PLCL1: variants seen among roughly 807,000 people sequenced by gnomAD.
PLCL1 encodes phospholipase C like 1 (inactive), also known as inactive phospholipase C-like protein 1.
Under a neutral mutation model 84.4 loss-of-function variants are expected in PLCL1, and 41 were observed. The observed-to-expected ratio is 0.49, with a 90% CI of 0.38 to 0.63. PLCL1 has a LOEUF of 0.63. Ranked by LOEUF, PLCL1 falls within the 30% of genes least tolerant of loss-of-function variation. The pLI, the probability that PLCL1 is intolerant of heterozygous loss-of-function variation, is 0.00. For missense variants in PLCL1, 1,206 were observed against 1,367.8 expected, an observed-to-expected ratio of 0.88 and a Z score of 1.87; for synonymous variants, 490 against 488.3, an observed-to-expected ratio of 1.00 and a Z score of -0.05.
At chr2:197,854,388 G>A (rs1687294302) in intron 1 of PLCL1, among the ~76,000 whole-genome samples, 1 of 152,060 alleles carries the variant, frequency 6.6e-6, no homozygotes, top group Admixed American at 6.6e-5. Flanking sequence ...TCATCTCTAG[G>A]AGATTTCCTA....
chr2:197,946,574 AT>A (rs1322097629), intron 1 of PLCL1, among the ~76,000 whole-genome samples: 4 of 152,168 alleles, frequency 2.6e-5, no homozygotes, highest in Non-Finnish European at 5.9e-5. Context: ...ATATGAACAG[AT>A]AACTAACATT....
chr2:197,900,761 T>C (rs1016559294), intron 1 of PLCL1, among the ~76,000 whole-genome samples: 2 of 152,208 alleles, frequency 1.3e-5, no homozygotes, highest in African/African-American at 4.8e-5. Context: ...ATAAATAATG[T>C]TTTTTCAAAA....
intron 1 of PLCL1, among the ~76,000 whole-genome samples, chr2:197,939,202 T>G (rs1354679183): frequency 6.6e-6 from 1 of 152,136 alleles, no homozygotes; most frequent in Non-Finnish European, 1.5e-5. Flanking sequence ...TCGGTAAGTA[T>G]AAGCAACTGC....
chr2:197,946,133 A>T (rs1208183740), intron 1 of PLCL1, among the ~76,000 whole-genome samples: 1 of 152,198 alleles, frequency 6.6e-6, no homozygotes, highest in African/African-American at 2.4e-5. Flanking sequence ...TTAAACCTTT[A>T]ACAAAAAAAG....
In PLCL1 at chr2:198,088,866, C is replaced by A; in HGVS notation, c.2724C>A (p.Ile908=). The change falls in exon 3 of 6, where the codon ATC becomes ATA. Residue 908 remains isoleucine (I), a synonymous_variant. Transcript: ENST00000428675. ...IDMRENMQNA[I]VSIKELCGLP... is the part of the protein sequence containing the mutation. ...TGTTTTCTTCCTCACAGAATGCAAT[C>A]GTGTCTATTAAGGAACTATGTGGAC... 1.2e-6 allele frequency: 2 copies of A among 1,600,816 alleles called. No homozygotes were observed. The highest frequency in any genetic ancestry group is 2.2e-5 in the East Asian group (1 of 44,830).
chr2:198,085,184 CAGATGA>C lies in PLCL1; in HGVS notation c.1677_1682del (p.Asp559_Glu560del), dbSNP rs758472390. ...CCAGATGTGTTAGAAGGAGAAGTAACAGATGAAGATGAAGAAGCTGAAATGTCTCGA... is the reference window on the plus strand; with the variant it reads ...CCAGATGTGTTAGAAGGAGAAGTAACAGATGAAGAAGCTGAAATGTCTCGA... On this transcript the variant is annotated inframe_deletion, in exon 2 of 6. Transcript: ENST00000428675. The surrounding 1 kb of genome is among the most constrained non-coding windows in gnomAD (Gnocchi z 5.3). 5.6e-6 allele frequency: 9 copies of C among 1,613,586 alleles called. 1 individual carries two copies. Among genetic ancestry groups the C allele is most frequent in the African/African-American group, 5.3e-5 (4 of 74,858 alleles).
intron 4 of PLCL1, 130 bp from the exon 5 acceptor site, chr2:198,103,697 C>A: frequency 1.8e-6 from 1 of 546,360 alleles, no homozygotes; most frequent in Non-Finnish European, 3.3e-6. Flanking sequence ...AAGGATAATT[C>A]AATTTAGGGA....
intron 1 of PLCL1, among the ~76,000 whole-genome samples, chr2:197,884,514 A>G (rs1486293986): frequency 6.6e-6 from 1 of 152,208 alleles, no homozygotes; most frequent in African/African-American, 2.4e-5. Context: ...TTGGTTACTA[A>G]GGAAGAAGTG....
At chr2:197,832,957 C>T (rs13394877) in intron 1 of PLCL1, among the ~76,000 whole-genome samples, 1,680 of 152,232 alleles carry the variant, frequency 0.011, 25 homozygotes, top group African/African-American at 0.037. Context: ...TGGCCAGGTG[C>T]GGTGGCTCAC....
At chr2:198,038,114 A>C (rs774485070) in intron 1 of PLCL1, among the ~76,000 whole-genome samples, 1 of 152,202 alleles carries the variant, frequency 6.6e-6, no homozygotes, top group Non-Finnish European at 1.5e-5. Context: ...TTTTTGATTA[A>C]GTGACTAAGC....
At chr2:198,041,853 G>A (rs1691673982) in intron 1 of PLCL1, among the ~76,000 whole-genome samples, 1 of 152,154 alleles carries the variant, frequency 6.6e-6, no homozygotes, top group Non-Finnish European at 1.5e-5. Context: ...ATGGAGTTGA[G>A]CATGGCATGT....
chr2:197,906,106 A>G (rs536642022), intron 1 of PLCL1, among the ~76,000 whole-genome samples: 5 of 152,190 alleles, frequency 3.3e-5, no homozygotes, highest in East Asian at 3.9e-4. Context: ...TTTTGTTGCA[A>G]TTGCTTTGGT....
At chr2:197,967,715 A>G (rs1359574073) in intron 1 of PLCL1, among the ~76,000 whole-genome samples, 1 of 152,236 alleles carries the variant, frequency 6.6e-6, no homozygotes, top group Non-Finnish European at 1.5e-5. Context: ...AGAGGAAAAA[A>G]TTACATATTC....
chr2:198,095,077 A>G (rs1693161543), intron 3 of PLCL1, among the ~76,000 whole-genome samples: 1 of 152,202 alleles, frequency 6.6e-6, no homozygotes, highest in Non-Finnish European at 1.5e-5. Flanking sequence ...CACAAAGAGA[A>G]GAGCTGTTGG....
chr2:198,132,768 T>C (rs1300789824), intron 5 of PLCL1, among the ~76,000 whole-genome samples: 1 of 152,030 alleles, frequency 6.6e-6, no homozygotes, highest in East Asian at 1.9e-4. Flanking sequence ...TTTTCTCCCA[T>C]GTTGTAGGTT....
chr2:197,899,856 C>G (rs897936622), intron 1 of PLCL1, among the ~76,000 whole-genome samples: 1 of 151,804 alleles, frequency 6.6e-6, no homozygotes, highest in African/African-American at 2.4e-5. Context: ...AGGATGGTCT[C>G]GATCTCCTGA....
intron 1 of PLCL1, among the ~76,000 whole-genome samples, chr2:198,008,091 T>C (rs1025312883): frequency 1.3e-5 from 2 of 152,134 alleles, no homozygotes; most frequent in Non-Finnish European, 2.9e-5. Context: ...CAAGTCTTAT[T>C]ACCTCCAGAA....
At chr2:197,817,842 T>G (rs1404531638) in intron 1 of PLCL1, among the ~76,000 whole-genome samples, 1 of 152,162 alleles carries the variant, frequency 6.6e-6, no homozygotes, top group African/African-American at 2.4e-5. Flanking sequence ...TGTCTTTACT[T>G]GAATCATTCT....
intron 1 of PLCL1, among the ~76,000 whole-genome samples, chr2:197,972,630 A>C (rs1268410849): frequency 3.3e-5 from 5 of 152,190 alleles, no homozygotes; most frequent in Admixed American, 2.0e-4. Context: ...ATCTTCAGCA[A>C]GCCGTTTACA....
Sources: allele counts gnomAD v4.1 joint callset (sites outside exome capture counted in the v4.1 genomes callset), GRCh38; gene constraint gnomAD v4.1.1; non-coding constraint Gnocchi (gnomAD v3.1); transcripts MANE v1.5; gene names NCBI Gene and HGNC (gene_info 2026-07-23, HGNC 2026-07-21).